Variants in CCSER1 observed in about 807,000 individuals in gnomAD.
CCSER1 encodes coiled-coil serine rich protein 1.
A neutral mutation model predicts 82.0 loss-of-function variants in CCSER1; 41 were observed. The observed-to-expected ratio is 0.50, with a 90% confidence interval of 0.39 to 0.65. The LOEUF (loss-of-function observed/expected upper bound fraction) is 0.65. Among genes scored for constraint, CCSER1 ranks in the 30% least tolerant of loss-of-function variants. CCSER1 has a pLI of 0.00. For synonymous variants in CCSER1, 414 were observed against 383.9 expected (o/e 1.08, Z -0.92); for missense variants, 1,119 against 1,064.2 (o/e 1.05, Z -0.72).
At chr4:90,346,549 A>G (rs1224225064) in intron 3 of CCSER1, among the ~76,000 whole-genome samples, 3 of 152,040 alleles carry the variant, frequency 2.0e-5, no homozygotes, top group Non-Finnish European at 4.4e-5. Flanking sequence ...GCTTTCCATT[A>G]TCAAGTAATG....
intron 1 of CCSER1, among the ~76,000 whole-genome samples, chr4:90,161,656 G>C (rs930728386): frequency 6.6e-6 from 1 of 151,964 alleles, no homozygotes; most frequent in Non-Finnish European, 1.5e-5. Flanking sequence ...AAAGTTTTAA[G>C]CACAAGCAAA....
At chr4:91,513,211 A>G (rs1021621583) in intron 10 of CCSER1, among the ~76,000 whole-genome samples, 1 of 152,162 alleles carries the variant, frequency 6.6e-6, no homozygotes, top group African/African-American at 2.4e-5. Flanking sequence ...CTTTTTATGC[A>G]TCTATGGAGA....
intron 10 of CCSER1, among the ~76,000 whole-genome samples, chr4:91,560,210 C>T (rs17218334): frequency 0.096 from 14,603 of 151,394 alleles, 892 homozygotes; most frequent in East Asian, 0.15. Context: ...GATGTTGCTA[C>T]CATATAATTT....
intron 9 of CCSER1, among the ~76,000 whole-genome samples, chr4:90,955,610 A>T (rs1733355356): frequency 6.6e-6 from 1 of 152,124 alleles, no homozygotes; most frequent in African/African-American, 2.4e-5. Flanking sequence ...CCAAGCATTT[A>T]ATCACACTTA....
chr4:91,035,787 G>A (rs1741381874), intron 9 of CCSER1, among the ~76,000 whole-genome samples: 1 of 152,118 alleles, frequency 6.6e-6, no homozygotes, highest in Non-Finnish European at 1.5e-5. Flanking sequence ...TTAATTGTGG[G>A]TTTCATATTT....
At chr4:91,059,528 G>T (rs550139043) in intron 9 of CCSER1, among the ~76,000 whole-genome samples, 16 of 150,164 alleles carry the variant, frequency 1.1e-4, no homozygotes, top group Non-Finnish European at 1.5e-4. Context: ...TTCTATCATG[G>T]TATTCTTTGT....
intron 7 of CCSER1, among the ~76,000 whole-genome samples, chr4:90,763,960 G>C (rs1000642626): frequency 6.6e-6 from 1 of 152,140 alleles, no homozygotes; most frequent in Non-Finnish European, 1.5e-5. Flanking sequence ...ATTTTATAAA[G>C]AGCTTCTAAT....
chr4:91,035,661 A>G (rs1741372281), intron 9 of CCSER1, among the ~76,000 whole-genome samples: 1 of 152,154 alleles, frequency 6.6e-6, no homozygotes, highest in Non-Finnish European at 1.5e-5. Context: ...CTAGCACCCC[A>G]CATCAAATCA....
chr4:90,900,469 G>A (rs1366189732), intron 8 of CCSER1, among the ~76,000 whole-genome samples: 2 of 151,828 alleles, frequency 1.3e-5, no homozygotes, highest in African/African-American at 4.8e-5. Context: ...TGCTTTTTCT[G>A]TGTCACAGAA....
At chr4:90,850,586 A>C (rs1763760000) in intron 8 of CCSER1, among the ~76,000 whole-genome samples, 1 of 152,222 alleles carries the variant, frequency 6.6e-6, no homozygotes, top group African/African-American at 2.4e-5. Context: ...CTGCCCTATT[A>C]GATTTTGGAC....
At chr4:90,504,200 A>G (rs1470226490) in intron 5 of CCSER1, among the ~76,000 whole-genome samples, 1 of 152,210 alleles carries the variant, frequency 6.6e-6, no homozygotes, top group African/African-American at 2.4e-5. Context: ...AGAATTATAT[A>G]CAAATTTTTA....
At chr4:91,396,130 T>C (rs2149354799) in intron 10 of CCSER1, among the ~76,000 whole-genome samples, 1 of 152,240 alleles carries the variant, frequency 6.6e-6, no homozygotes, top group East Asian at 1.9e-4. Flanking sequence ...ACACATTGCC[T>C]GAGGCAACCA....
chr4:91,230,805 T>G (rs1466839098), intron 10 of CCSER1, among the ~76,000 whole-genome samples: 1 of 151,894 alleles, frequency 6.6e-6, no homozygotes, highest in Non-Finnish European at 1.5e-5. Flanking sequence ...CAATTATAAC[T>G]CTTTAAAATA....
chr4:90,370,346 T>G (rs746887467), intron 3 of CCSER1: 5 of 152,066 alleles, frequency 3.3e-5, no homozygotes, highest in Non-Finnish European at 7.4e-5. Context: ...CTTCTAAGTA[T>G]GCTATGGAGT....
chr4:90,978,975 A>G (rs1735858839), intron 9 of CCSER1, among the ~76,000 whole-genome samples: 1 of 151,706 alleles, frequency 6.6e-6, no homozygotes, highest in African/African-American at 2.4e-5. Flanking sequence ...CCTAAGTACA[A>G]TAAATATTGA....
At chr4:91,024,325 A>G (rs932108562) in intron 9 of CCSER1, among the ~76,000 whole-genome samples, 2 of 152,214 alleles carry the variant, frequency 1.3e-5, no homozygotes, top group Admixed American at 6.5e-5. Flanking sequence ...GTTGAAGCTA[A>G]TAACAAAAAC....
At chr4:90,984,009 T>C (rs1387801361) in intron 9 of CCSER1, among the ~76,000 whole-genome samples, 1 of 151,792 alleles carries the variant, frequency 6.6e-6, no homozygotes, top group Non-Finnish European at 1.5e-5. Context: ...ATTATGATAC[T>C]TCTCAGTATA....
Position 91,078,291 on chromosome 4 carries a change from G to A in CCSER1, c.2173-7659G>A, listed in dbSNP as rs181164395. On this transcript the variant is annotated intron_variant, in intron 9 of 10. Coordinates refer to ENST00000509176, the MANE Select transcript of CCSER1 (RefSeq NM_001145065.2). ...CAACATTTGCTGTTCTGCAGCCTCC[G>A]CAGGTGATACCCAGGCAAACAGGGT... is the stretch of plus-strand genomic sequence containing the variant. 1.2e-4 allele frequency among the ~76,000 whole-genome samples: 19 copies of A among 152,232 alleles called. No homozygotes were observed. In the East Asian group the frequency reaches 1.5e-3, roughly 12 times the overall value.
intron 10 of CCSER1, among the ~76,000 whole-genome samples, chr4:91,378,829 A>C (rs1750645025): frequency 6.6e-6 from 1 of 152,134 alleles, no homozygotes; most frequent in Admixed American, 6.6e-5. Flanking sequence ...GTTTTGTGCC[A>C]GTTTTCAAAG....
Sources: gnomAD v4.1 joint callset for allele counts (sites outside exome capture counted in the v4.1 genomes callset) on GRCh38, gnomAD v4.1.1 for gene constraint, MANE v1.5 for transcripts, NCBI Gene and HGNC (gene_info 2026-07-23, HGNC 2026-07-21) for gene names.